The following ANKS1B variants were observed in gnomAD, a reference collection of about 807,000 sequenced individuals.
ANKS1B encodes the protein ankyrin repeat and sterile alpha motif domain containing 1B.
A neutral mutation model predicts 148.3 loss-of-function variants in ANKS1B; 36 were observed. The ratio of observed to expected loss-of-function variants is 0.24; its 90% CI spans 0.19 to 0.32. The LOEUF is 0.32. Among genes scored for constraint, ANKS1B ranks in the 10% least tolerant of loss-of-function variants. The pLI is 1.00. For missense variants in ANKS1B, 1,157 were observed against 1,542.6 expected, an observed-to-expected ratio of 0.75 and a Z score of 4.19; for synonymous variants, 542 against 560.8, an observed-to-expected ratio of 0.97 and a Z score of 0.47.
chr12:99,550,453 G>A (rs113055510), intron 9 of ANKS1B, among the ~76,000 whole-genome samples: 1,764 of 152,014 alleles, frequency 0.012, 32 homozygotes, highest in African/African-American at 0.041. Context: ...GTGAAACTCC[G>A]TCTCTACTAA....
At chr12:99,540,986 A>G (rs1235109138) in intron 9 of ANKS1B, among the ~76,000 whole-genome samples, 2 of 152,100 alleles carry the variant, frequency 1.3e-5, no homozygotes, top group Admixed American at 6.5e-5. Flanking sequence ...AAAAAAGTTT[A>G]TAAGGAATAC....
chr12:99,981,591 T>G (rs984668433), intron 1 of ANKS1B, among the ~76,000 whole-genome samples: 1 of 152,150 alleles, frequency 6.6e-6, no homozygotes, highest in Non-Finnish European at 1.5e-5. Context: ...TAAAACAGAT[T>G]CAATGAATGA....
chr12:99,121,375 T>C (rs184428790), intron 15 of ANKS1B, among the ~76,000 whole-genome samples: 2 of 123,918 alleles, frequency 1.6e-5, no homozygotes, highest in East Asian at 6.8e-4. Flanking sequence ...CCCCCAAATA[T>C]ACTAAATAAA....
chr12:98,851,852 C>T (rs1221567894), intron 17 of ANKS1B, among the ~76,000 whole-genome samples: 1 of 151,050 alleles, frequency 6.6e-6, no homozygotes, highest in East Asian at 2.0e-4. Flanking sequence ...AGTGAAACCC[C>T]ATCTCTACTA....
chr12:99,435,620 C>T (rs1002275004), intron 11 of ANKS1B, among the ~76,000 whole-genome samples: 1 of 151,982 alleles, frequency 6.6e-6, no homozygotes, highest in African/African-American at 2.4e-5. Flanking sequence ...GACTACACCC[C>T]TGAGAAGCAG....
intron 9 of ANKS1B, among the ~76,000 whole-genome samples, chr12:99,605,013 G>A (rs1472859339): frequency 6.6e-6 from 1 of 151,544 alleles, no homozygotes; most frequent in Non-Finnish European, 1.5e-5. Context: ...TACATAAAAG[G>A]AATAAAAACT....
Position 98,911,102 on chromosome 12 carries a change from A to AT in ANKS1B, c.2779-78967dup, listed in dbSNP as rs5800374. Among the ~76,000 whole-genome samples, 57 of 151,380 alleles carry AT rather than the reference A, an allele frequency of 3.8e-4. 1 individual carries two copies. The South Asian group carries it at 0.01, about 27-fold the overall frequency. Reference sequence around the variant, plus strand: ...TCTGGAGATAAAAATTCTGTGGTAGATTTTTTTTTTAAACTGTGATATTTT... The same window carrying AT: ...TCTGGAGATAAAAATTCTGTGGTAGATTTTTTTTTTTAAACTGTGATATTTT... On this transcript the variant is annotated intron_variant, in intron 17 of 26. Transcript: ENST00000683438.
chr12:98,784,079 C>G (rs1158766677), intron 22 of ANKS1B, among the ~76,000 whole-genome samples: 1 of 152,178 alleles, frequency 6.6e-6, no homozygotes, highest in Non-Finnish European at 1.5e-5. Context: ...GATGAAGAAG[C>G]CACTGAGATA....
intron 17 of ANKS1B, among the ~76,000 whole-genome samples, chr12:98,849,256 T>A (rs1369729961): frequency 1.3e-5 from 2 of 152,086 alleles, no homozygotes; most frequent in African/African-American, 2.4e-5. Flanking sequence ...TTAGATTTAG[T>A]CTTAACTCGC....
At chr12:99,331,324 G>A (rs1046902869) in intron 12 of ANKS1B, among the ~76,000 whole-genome samples, 1 of 151,974 alleles carries the variant, frequency 6.6e-6, no homozygotes, top group African/African-American at 2.4e-5. Flanking sequence ...AGCAGTAAAT[G>A]TCAAAATTCA....
rs562395718 is a variant in ANKS1B, at chr12:99,632,826, T to C, written c.1272+22241A>G. Reference sequence around the variant, plus strand: ...GCACAATGTGCAGGTTTGTTACATATGTATACATGTGCCATGTTGGTGTCC... The same window carrying C: ...GCACAATGTGCAGGTTTGTTACATACGTATACATGTGCCATGTTGGTGTCC... On this transcript the variant is annotated intron_variant, in intron 9 of 26. Transcript: ENST00000683438. 2.8e-5 allele frequency among the ~76,000 whole-genome samples: 4 copies of C among 144,156 alleles called. No homozygotes were observed. In the South Asian group the frequency reaches 9.1e-4, roughly 33 times the overall value. 94.6% of individuals were successfully genotyped at this position (144,156 alleles called of 152,430 possible). A position where few individuals can be genotyped will look rare whatever the true frequency, so the allele number is the denominator to read the frequency against.
At chr12:99,979,229 G>A (rs1409601069) in intron 1 of ANKS1B, among the ~76,000 whole-genome samples, 1 of 151,992 alleles carries the variant, frequency 6.6e-6, no homozygotes, top group African/African-American at 2.4e-5. Context: ...GTAGTAAGAG[G>A]TATAACTGCA....
chr12:99,937,939 C>T (rs190879704), intron 1 of ANKS1B, among the ~76,000 whole-genome samples: 5 of 152,152 alleles, frequency 3.3e-5, no homozygotes, highest in Middle Eastern at 3.4e-3. Flanking sequence ...GGAGCAGAAT[C>T]GACCCAATTT....
At chr12:99,491,306 GA>G (rs34977034) in intron 10 of ANKS1B, among the ~76,000 whole-genome samples, 56,934 of 144,610 alleles carry the variant, frequency 0.39, 10,889 homozygotes, top group African/African-American at 0.46. Flanking sequence ...CTCCATCTCA[GA>G]AAAAAAAAAA....
In ANKS1B at chr12:99,704,855, TTC is replaced by T. The variant is rs2055471884; in HGVS notation, c.1129-49647_1129-49646del. 9.9e-5 allele frequency among the ~76,000 whole-genome samples: 15 copies of T among 152,232 alleles called. No individual in the cohort carries two copies. The South Asian group carries it at 3.1e-3, about 32-fold the overall frequency. Reference sequence around the variant, plus strand: ...ATGTCAGATGACAGATATGTATATCTTCTTTCACTTTTGCCCAAAACGTCATT... The same window carrying T: ...ATGTCAGATGACAGATATGTATATCTTTTCACTTTTGCCCAAAACGTCATT... On this transcript the variant is annotated intron_variant, in intron 8 of 26. Transcript: ENST00000683438.
At chr12:99,835,839 A>T (rs1047112155) in intron 1 of ANKS1B, among the ~76,000 whole-genome samples, 1 of 152,232 alleles carries the variant, frequency 6.6e-6, no homozygotes, top group Non-Finnish European at 1.5e-5. Flanking sequence ...CTTAATACCT[A>T]GAAGATGGGT....
intron 19 of ANKS1B, among the ~76,000 whole-genome samples, chr12:98,828,854 A>T (rs1021651835): frequency 6.6e-6 from 1 of 152,194 alleles, no homozygotes; most frequent in African/African-American, 2.4e-5. Flanking sequence ...TTTGTAATCT[A>T]GACTTTTATT....
At chr12:99,882,694 G>A (rs149653456) in intron 1 of ANKS1B, among the ~76,000 whole-genome samples, 310 of 152,248 alleles carry the variant, frequency 2.0e-3, no homozygotes, top group African/African-American at 7.1e-3. Context: ...TGGGTGCAGT[G>A]TACACTGCTT....
rs138820291 is a variant in ANKS1B at position 99,869,542 on chromosome 12, G to A, written c.135-44153C>T. ...AATAATAATACAAAATTAGCCAGGC[G>A]TGCTGGAGCATGCCTATAATCCCAG... On this transcript the variant is annotated intron_variant, in intron 1 of 26. Coordinates refer to ENST00000683438, the MANE Select transcript of ANKS1B (RefSeq NM_001352186.2). Among the ~76,000 whole-genome samples the A allele has an allele frequency of 4.4e-3, 673 of 151,736 alleles. 4 individuals carry two copies. Among genetic ancestry groups the A allele is most frequent in the African/African-American group, 0.014 (589 of 41,388 alleles).
Sources: allele counts gnomAD v4.1 joint callset (sites outside exome capture counted in the v4.1 genomes callset), GRCh38; gene constraint gnomAD v4.1.1; transcripts MANE v1.5; gene names NCBI Gene and HGNC (gene_info 2026-07-23, HGNC 2026-07-21).